ARMH1: variants seen among roughly 807,000 people sequenced by gnomAD.
The protein encoded by ARMH1 is armadillo-like helical domain containing protein 1.
In ARMH1, 34 loss-of-function variants were observed where a neutral mutation model predicts 50.2. That is an observed-to-expected ratio of 0.68 (90% confidence interval 0.51 to 0.90). The LOEUF is 0.90. Among genes scored for constraint, ARMH1 ranks in the 40% least tolerant of loss-of-function variants. The probability of loss-of-function intolerance (pLI) is 0.00; values close to 1 mark genes in which losing one functional copy is unlikely to be tolerated. For missense variants in ARMH1, 538 were observed against 553.9 expected, an observed-to-expected ratio of 0.97 and a Z score of 0.29; for synonymous variants, 221 against 224.2, an observed-to-expected ratio of 0.99 and a Z score of 0.13.
Position 44,724,397 on chromosome 1 carries a change from G to T in ARMH1, c.920+5G>T. ...CGCGGCCGCCAAGGCCATCGGGTAA[G>T]CGGGCAGGGGTTAGTGGGTAGCTGC... On this transcript the variant is annotated splice_donor_5th_base_variant and intron_variant, in intron 8 of 11. Coordinates refer to ENST00000535358, the MANE Select transcript of ARMH1 (RefSeq NM_001145636.2). The surrounding 1 kb of genome is among the most constrained non-coding windows in gnomAD (Gnocchi z 6.4). The T allele has an allele frequency of 6.5e-7, 1 of 1,549,236 alleles. No individual in the cohort carries two copies.
chr1:44,699,689 C>T (rs111234844), intron 4 of ARMH1, among the ~76,000 whole-genome samples: 2,617 of 152,072 alleles, frequency 0.017, 70 homozygotes, highest in African/African-American at 0.059. Flanking sequence ...TGAGCTCAAG[C>T]GATCCACCCA....
At position 44,700,969 on chromosome 1, in the gene ARMH1, G is replaced by T; in HGVS notation, c.489G>T (p.Glu163Asp). 1 of 1,551,650 alleles carries T rather than the reference G, an allele frequency of 6.4e-7. No homozygotes were observed. ...TTTTGGCAAAGTCTAAGTCAGAAGAGACCCAGGAGGAAGTGCAGGTTCTGT... is the reference window on the plus strand; with the variant it reads ...TTTTGGCAAAGTCTAAGTCAGAAGATACCCAGGAGGAAGTGCAGGTTCTGT... ...AEFLAKSKSE[E>D]TQEEVQVLLD... The change falls in exon 5 of 12, where the codon GAG (glutamate) becomes GAT (aspartate). Residue 163 changes from glutamate to aspartate, a missense_variant. By Grantham distance (45) the Glu-to-Asp change is conservative. Coordinates refer to ENST00000535358, the MANE Select transcript of ARMH1 (RefSeq NM_001145636.2).
At chr1:44,698,813 C>CAA (rs201693065) in intron 4 of ARMH1, among the ~76,000 whole-genome samples, 12 of 124,986 alleles carry the variant, frequency 9.6e-5, no homozygotes, top group East Asian at 5.3e-4. Context: ...AACTCCATCT[C>CAA]AAAAAAAAAA....
rs1260526896 is a variant in ARMH1 at position 44,681,020 on chromosome 1, A to G, written c.-23+6147A>G. ...CCTTTTTTTTTTTTTTTTGAGACGG[A>G]GTCTCGCTCTGTCACCCAGGCTGGA... On this transcript the variant is annotated intron_variant, in intron 1 of 11. Transcript: ENST00000535358. The surrounding 1 kb of genome is among the most constrained non-coding windows in gnomAD (Gnocchi z 4.3). Among the ~76,000 whole-genome samples the G allele has an allele frequency of 1.5e-5, 2 of 130,760 alleles. No homozygotes were observed. Among genetic ancestry groups the G allele is most frequent in the Admixed American group, 8.2e-5 (1 of 12,248 alleles). 85.8% of individuals were successfully genotyped at this position (130,760 alleles called of 152,430 possible).
intron 6 of ARMH1, among the ~76,000 whole-genome samples, chr1:44,710,720 C>A (rs112669439): frequency 0.057 from 8,665 of 151,784 alleles, 378 homozygotes; most frequent in Non-Finnish European, 0.089. Context: ...ATAAAATTAA[C>A]CATTTTAAAG....
At chr1:44,694,313 G>A (rs960648753) in intron 2 of ARMH1, among the ~76,000 whole-genome samples, 16 of 152,112 alleles carry the variant, frequency 1.1e-4, no homozygotes, top group African/African-American at 3.9e-4. Context: ...TCCAGTTATG[G>A]TGGATTTTGG....
chr1:44,685,850 T>C (rs1471561037), intron 1 of ARMH1, among the ~76,000 whole-genome samples: 1 of 152,168 alleles, frequency 6.6e-6, no homozygotes, highest in Non-Finnish European at 1.5e-5. Flanking sequence ...ATGGTCTTGA[T>C]CTCTTGACCT....
chr1:44,696,977 G>T, intron 2 of ARMH1, 125 bp from the exon 3 acceptor site: 2 of 679,034 alleles, frequency 2.9e-6, no homozygotes, highest in Admixed American at 2.3e-5. Context: ...GCTCCTCTCA[G>T]GGTAAAGAGG....
chr1:44,704,247 C>A, intron 6 of ARMH1, 74 bp downstream of exon 6: 1 of 1,110,794 alleles, frequency 9.0e-7, no homozygotes, highest in South Asian at 1.3e-5. Context: ...TTCTCTTAGT[C>A]ACAAAGAGCC....
intron 6 of ARMH1, among the ~76,000 whole-genome samples, chr1:44,721,352 G>GT (rs975344196): frequency 6.6e-6 from 1 of 152,006 alleles, no homozygotes; most frequent in African/African-American, 2.4e-5. Context: ...TAACTCTTAA[G>GT]TTTTTCCTAC....
chr1:44,697,214 T>G, intron 3 of ARMH1, 44 bp downstream of exon 3: 1 of 1,458,098 alleles, frequency 6.9e-7, no homozygotes, highest in African/African-American at 1.4e-5. Context: ...CAGTGGCATC[T>G]CAGGCTCATG....
intron 5 of ARMH1, among the ~76,000 whole-genome samples, chr1:44,702,987 G>A (rs1646159791): frequency 6.6e-6 from 1 of 152,128 alleles, no homozygotes; most frequent in South Asian, 2.1e-4. Context: ...GGCTTCTCTT[G>A]GGAGGCTTAG....
intron 1 of ARMH1, 70 bp downstream of exon 1, chr1:44,674,943 T>A (rs1181795460): frequency 7.4e-6 from 1 of 136,008 alleles, no homozygotes; most frequent in Non-Finnish European, 1.6e-5. Flanking sequence ...GGTTGAGGCA[T>A]ATTCTGGATG....
intron 3 of ARMH1, 27 bp from the exon 4 acceptor site, chr1:44,698,036 T>C (rs1645889022): frequency 1.3e-6 from 2 of 1,503,436 alleles, no homozygotes; most frequent in South Asian, 2.6e-5. Flanking sequence ...AAGAGTTTTA[T>C]TTCTACTTTT....
intron 5 of ARMH1, among the ~76,000 whole-genome samples, chr1:44,703,186 A>T (rs1431946290): frequency 6.6e-6 from 1 of 152,240 alleles, no homozygotes; most frequent in East Asian, 1.9e-4. Context: ...AGATTTTAGG[A>T]TCTTGAATGA....
chr1:44,703,358 C>T (rs1646180576), intron 5 of ARMH1, among the ~76,000 whole-genome samples: 1 of 152,074 alleles, frequency 6.6e-6, no homozygotes, highest in Non-Finnish European at 1.5e-5. Context: ...CCCTCCCTCT[C>T]CCCATTCACC....
chr1:44,706,919 A>G (rs1378701829), intron 6 of ARMH1, among the ~76,000 whole-genome samples: 1 of 152,144 alleles, frequency 6.6e-6, no homozygotes, highest in Non-Finnish European at 1.5e-5. Context: ...ATTGGGTAGC[A>G]CTGACACCTT....
chr1:44,723,231 C>G (rs1423889848), intron 6 of ARMH1, among the ~76,000 whole-genome samples: 7 of 152,320 alleles, frequency 4.6e-5, no homozygotes, highest in African/African-American at 1.7e-4. Context: ...CAATCACTGA[C>G]TCCTTCCACA....
intron 5 of ARMH1, among the ~76,000 whole-genome samples, chr1:44,702,289 C>T (rs1192204929): frequency 6.6e-6 from 1 of 152,108 alleles, no homozygotes; most frequent in African/African-American, 2.4e-5. Flanking sequence ...TGGAGCTGAG[C>T]TCAGGAAAGT....
Sources: gnomAD v4.1 joint callset for allele counts (sites outside exome capture counted in the v4.1 genomes callset) on GRCh38, gnomAD v4.1.1 for gene constraint, Gnocchi (gnomAD v3.1) non-coding constraint, MANE v1.5 for transcripts, NCBI Gene and HGNC (gene_info 2026-07-23, HGNC 2026-07-21) for gene names.